The following RIMS2 variants were observed in gnomAD, a reference collection of about 807,000 sequenced individuals.
The protein encoded by RIMS2 is regulating synaptic membrane exocytosis protein 2.
A neutral mutation model predicts 174.4 loss-of-function variants in RIMS2; 59 were observed. That is an observed-to-expected ratio of 0.34 (90% CI 0.27 to 0.42). RIMS2 has a LOEUF of 0.42. Among genes scored for constraint, RIMS2 ranks in the 10% least tolerant of loss-of-function variants. The pLI is 1.00. For synonymous variants in RIMS2, 606 were observed against 572.5 expected, an observed-to-expected ratio of 1.06 and a Z score of -0.84; for missense variants, 1,620 against 1,666.3, an observed-to-expected ratio of 0.97 and a Z score of 0.48.
intron 19 of RIMS2, among the ~76,000 whole-genome samples, chr8:104,155,656 A>C (rs1318748591): frequency 8.4e-6 from 1 of 118,948 alleles, no homozygotes; most frequent in African/African-American, 3.2e-5. Flanking sequence ...CTGGTGATCC[A>C]CCCGCCTCGG....
At chr8:104,247,193 G>A (rs2099338782) in intron 20 of RIMS2, among the ~76,000 whole-genome samples, 1 of 152,156 alleles carries the variant, frequency 6.6e-6, no homozygotes, top group Admixed American at 6.5e-5. Flanking sequence ...AGAAAAGAGA[G>A]TATATTTGTT....
intron 1 of RIMS2, among the ~76,000 whole-genome samples, chr8:103,518,489 T>C (rs933093462): frequency 6.6e-6 from 1 of 152,126 alleles, no homozygotes; most frequent in South Asian, 2.1e-4. Context: ...GCTGTAACTC[T>C]TGTCATATGG....
At chr8:104,148,063 C>G (rs571359276) in intron 19 of RIMS2, among the ~76,000 whole-genome samples, 5 of 151,754 alleles carry the variant, frequency 3.3e-5, no homozygotes, top group Non-Finnish European at 7.4e-5. Context: ...TAATTCAAAG[C>G]TAATGAAAAT....
chr8:104,248,290 T>C (rs553612740), intron 20 of RIMS2, among the ~76,000 whole-genome samples: 1 of 152,292 alleles, frequency 6.6e-6, no homozygotes, highest in Admixed American at 6.5e-5. Context: ...TGTATGCAGA[T>C]GGGAATGATC....
chr8:104,226,031 C>CT (rs541611331), intron 19 of RIMS2, among the ~76,000 whole-genome samples: 15 of 152,098 alleles, frequency 9.9e-5, no homozygotes, highest in Admixed American at 7.9e-4. Context: ...TCTCTACTTC[C>CT]TTTTTTTTCT....
rs71575988 is a variant in RIMS2 at position 103,967,170 on chromosome 8, GTTTTTTTTTTTT to G, written c.2770+6056_2770+6067del. 2.2e-3 allele frequency among the ~76,000 whole-genome samples: 56 copies of G among 24,972 alleles called. 2 individuals are homozygous for G. The highest frequency in any genetic ancestry group is 8.8e-3 in the African/African-American group (42 of 4,746). The allele number at this position is 24,972 out of a possible 152,430, so 16.4% of individuals were successfully genotyped here. A position where few individuals can be genotyped will look rare whatever the true frequency, so the allele number is the denominator to read the frequency against. Reference sequence around the variant, plus strand: ...TTTTCTGCCTGCTTGATCTGTTCTTGTTTTTTTTTTTTTTTTTTTTTTTTTTTTTTGAGATAG... The same window carrying G: ...TTTTCTGCCTGCTTGATCTGTTCTTGTTTTTTTTTTTTTTTTTTGAGATAG... On this transcript the variant is annotated intron_variant, in intron 15 of 23. Transcript: ENST00000504942.
At chr8:103,555,082 T>C (rs1182003926) in intron 1 of RIMS2, among the ~76,000 whole-genome samples, 1 of 152,184 alleles carries the variant, frequency 6.6e-6, no homozygotes, top group Non-Finnish European at 1.5e-5. Context: ...TATCATGTAC[T>C]GTGCTTATTA....
chr8:103,733,548 C>G (rs559102013), intron 2 of RIMS2, among the ~76,000 whole-genome samples: 1 of 152,178 alleles, frequency 6.6e-6, no homozygotes, highest in Admixed American at 6.5e-5. Context: ...AACCCTGGAA[C>G]ACTTTAGCAC....
At chr8:103,636,272 C>A (rs182913429) in intron 1 of RIMS2, among the ~76,000 whole-genome samples, 2 of 152,204 alleles carry the variant, frequency 1.3e-5, no homozygotes, top group African/African-American at 4.8e-5. Flanking sequence ...CAGTCTCTTT[C>A]CTAGGGGTGT....
chr8:104,047,328 C>G (rs1258183095), intron 19 of RIMS2, among the ~76,000 whole-genome samples: 1 of 152,030 alleles, frequency 6.6e-6, no homozygotes, highest in Non-Finnish European at 1.5e-5. Flanking sequence ...ATGCCTATCA[C>G]CCACCTTAAC....
intron 1 of RIMS2, among the ~76,000 whole-genome samples, chr8:103,601,094 A>G (rs1563954002): frequency 6.6e-6 from 1 of 152,132 alleles, no homozygotes; most frequent in Non-Finnish European, 1.5e-5. Context: ...AGCTCCTTAT[A>G]TATTCTGGGT....
intron 14 of RIMS2, among the ~76,000 whole-genome samples, chr8:103,954,224 G>T (rs1014987728): frequency 7.9e-5 from 12 of 152,002 alleles, no homozygotes; most frequent in African/African-American, 2.7e-4. Context: ...GGATATTCAG[G>T]ACTTGAACCC....
intron 14 of RIMS2, among the ~76,000 whole-genome samples, chr8:103,947,635 G>A (rs2084133627): frequency 6.6e-6 from 1 of 152,178 alleles, no homozygotes. Context: ...TACGTGAATA[G>A]GGTACTTATC....
At chr8:103,826,015 G>A (rs77925281) in intron 3 of RIMS2, among the ~76,000 whole-genome samples, 6 of 152,206 alleles carry the variant, frequency 3.9e-5, no homozygotes, top group African/African-American at 1.4e-4. Context: ...TTTGCCTCAT[G>A]ACTAACAACT....
intron 1 of RIMS2, among the ~76,000 whole-genome samples, chr8:103,576,971 C>T (rs981344560): frequency 1.5e-4 from 23 of 152,124 alleles, no homozygotes; most frequent in African/African-American, 5.1e-4. Context: ...CCATAAAAAC[C>T]CTAGAAGAAA....
At chr8:103,539,941 A>G (rs1227804793) in intron 1 of RIMS2, among the ~76,000 whole-genome samples, 1 of 152,230 alleles carries the variant, frequency 6.6e-6, no homozygotes, top group Non-Finnish European at 1.5e-5. Context: ...CCAATGCTCC[A>G]CGCACCAGCT....
intron 19 of RIMS2, among the ~76,000 whole-genome samples, chr8:104,138,523 A>G (rs1211267275): frequency 1.3e-5 from 2 of 152,144 alleles, no homozygotes; most frequent in African/African-American, 4.8e-5. Flanking sequence ...TCTAATGATT[A>G]GTGATGTTGA....
intron 2 of RIMS2, among the ~76,000 whole-genome samples, chr8:103,763,479 A>G (rs537616991): frequency 6.7e-6 from 1 of 150,336 alleles, no homozygotes; most frequent in Admixed American, 6.6e-5. Context: ...GGGAGGGAGG[A>G]AGGAAATAAG....
chr8:103,564,964 G>A (rs1437263499), intron 1 of RIMS2, among the ~76,000 whole-genome samples: 1 of 152,178 alleles, frequency 6.6e-6, no homozygotes, highest in Non-Finnish European at 1.5e-5. Flanking sequence ...GAGACTAAAC[G>A]TTATATGACA....
Sources: allele counts gnomAD v4.1 joint callset (sites outside exome capture counted in the v4.1 genomes callset), GRCh38; gene constraint gnomAD v4.1.1; transcripts MANE v1.5; gene names NCBI Gene and HGNC (gene_info 2026-07-23, HGNC 2026-07-21).